The following UBE2U variants were observed in gnomAD, a reference collection of about 807,000 sequenced individuals.
The protein encoded by UBE2U is ubiquitin-conjugating enzyme E2 U.
Under a neutral mutation model 41.2 loss-of-function variants are expected in UBE2U, and 39 were observed. That is an observed-to-expected ratio of 0.95 (90% CI 0.73 to 1.24). The LOEUF is 1.24. Among genes scored for constraint, UBE2U ranks in the 50% most tolerant of loss-of-function variants. The probability of loss-of-function intolerance (pLI) is 0.00; values close to 1 mark genes in which losing one functional copy is unlikely to be tolerated. For synonymous variants in UBE2U, 107 were observed against 117.8 expected, an observed-to-expected ratio of 0.91 and a Z score of 0.60; for missense variants, 336 against 363.1, an observed-to-expected ratio of 0.93 and a Z score of 0.61.
At chr1:64,223,145 C>T (rs1019814328) in intron 6 of UBE2U, among the ~76,000 whole-genome samples, 1 of 152,198 alleles carries the variant, frequency 6.6e-6, no homozygotes, top group Non-Finnish European at 1.5e-5. Context: ...GTATACCAGG[C>T]ATTGTGCCCC....
intron 8 of UBE2U, chr1:64,244,408 A>G (rs1644887437): frequency 6.9e-6 from 3 of 434,092 alleles, no homozygotes; most frequent in Non-Finnish European, 9.2e-6. Context: ...TAGGCATTCA[A>G]TAAATTTTAG....
intron 5 of UBE2U, among the ~76,000 whole-genome samples, chr1:64,218,338 G>C (rs1652175657): frequency 6.6e-6 from 1 of 152,010 alleles, no homozygotes. Flanking sequence ...CTTTTTTCCT[G>C]TTTGTATTTC....
chr1:64,216,176 A>G (rs887476185), intron 5 of UBE2U, among the ~76,000 whole-genome samples: 6 of 152,150 alleles, frequency 3.9e-5, no homozygotes, highest in African/African-American at 1.4e-4. Context: ...GTGTTGATCA[A>G]GCATCTTTTC....
At chr1:64,245,802 C>A (rs1310710828) in intron 8 of UBE2U, among the ~76,000 whole-genome samples, 1 of 152,024 alleles carries the variant, frequency 6.6e-6, no homozygotes, top group Admixed American at 6.6e-5. Context: ...AATGGATAAC[C>A]GCTCCTAAGA....
At chr1:64,240,110 A>C (rs1365309238) in intron 7 of UBE2U, among the ~76,000 whole-genome samples, 2 of 152,212 alleles carry the variant, frequency 1.3e-5, no homozygotes, top group Admixed American at 1.3e-4. Flanking sequence ...CCACAAACTT[A>C]AGAGCCAGTG....
intron 9 of UBE2U, among the ~76,000 whole-genome samples, chr1:64,265,949 A>G (rs1162608762): frequency 6.6e-6 from 1 of 152,244 alleles, no homozygotes; most frequent in Non-Finnish European, 1.5e-5. Flanking sequence ...CTATAACATT[A>G]GAAGACAGCA....
At chr1:64,232,459 C>T in intron 6 of UBE2U, 102 bp from the exon 7 acceptor site, 1 of 717,312 alleles carries the variant, frequency 1.4e-6, no homozygotes, top group Non-Finnish European at 2.2e-6. Flanking sequence ...AGTTTAATAT[C>T]TTGTGACAAG....
At chr1:64,239,159 AGAAGAAGAAGAAG>A (rs1557731087) in intron 7 of UBE2U, among the ~76,000 whole-genome samples, 1 of 54,738 alleles carries the variant, frequency 1.8e-5, no homozygotes, top group East Asian at 7.1e-4. Context: ...AGAAGAAGAA[AGAAGAAGAAGAAG>A]AAGAAGAAGA....
intron 2 of UBE2U, 48 bp downstream of exon 2, chr1:64,205,768 AT>A (rs1479017841): frequency 6.9e-7 from 1 of 1,459,438 alleles, no homozygotes; most frequent in South Asian, 1.2e-5. Context: ...TCTTTATACC[AT>A]TATTAGCCCA....
intron 6 of UBE2U, among the ~76,000 whole-genome samples, chr1:64,228,473 CAGA>C (rs1463304134): frequency 6.6e-6 from 1 of 152,054 alleles, no homozygotes; most frequent in Non-Finnish European, 1.5e-5. Context: ...ACAGCTTTCA[CAGA>C]AGGAGGAGTG....
intron 7 of UBE2U, among the ~76,000 whole-genome samples, chr1:64,239,130 A>AAGG (rs1557730284): frequency 1.7e-4 from 4 of 23,178 alleles, no homozygotes; most frequent in African/African-American, 8.3e-4. Flanking sequence ...GAAGAAGAAG[A>AAGG]AGAAGAAGAA....
chr1:64,256,266 C>T (rs956718391), intron 8 of UBE2U, among the ~76,000 whole-genome samples: 105 of 152,196 alleles, frequency 6.9e-4, no homozygotes, highest in African/African-American at 2.4e-3. Context: ...TTAGAAGAAA[C>T]TATTTTAAAA....
chr1:64,266,549 G>A (rs1419769775), intron 9 of UBE2U, among the ~76,000 whole-genome samples: 4 of 152,128 alleles, frequency 2.6e-5, no homozygotes, highest in Admixed American at 6.6e-5. Context: ...GTGGAAGCGC[G>A]GGAGAATCCA....
chr1:64,228,943 C>T (rs1347885991), intron 6 of UBE2U, among the ~76,000 whole-genome samples: 1 of 150,866 alleles, frequency 6.6e-6, no homozygotes, highest in East Asian at 2.0e-4. Flanking sequence ...TCACGGCAAC[C>T]TCTGACTCCC....
chr1:64,215,768 C>A (rs1651963074), intron 5 of UBE2U, among the ~76,000 whole-genome samples: 1 of 152,176 alleles, frequency 6.6e-6, no homozygotes. Context: ...TGGTATCCTG[C>A]CAGCAGCCTC....
In UBE2U at chr1:64,203,978, A is replaced by G. The variant is rs1300747864; in HGVS notation, c.-73A>G. On this transcript the variant is annotated 5_prime_UTR_variant, in exon 1 of 10. Transcript: ENST00000371077. Reference sequence around the variant, plus strand: ...TTTACTAAGTGTGGGAAAGTGACCCATAACTTCAAACATCTGCCTCAGAGT... The same window carrying G: ...TTTACTAAGTGTGGGAAAGTGACCCGTAACTTCAAACATCTGCCTCAGAGT... The G allele has an allele frequency of 3.5e-6, 5 of 1,432,612 alleles. No individual in the cohort carries two copies. Among genetic ancestry groups the G allele is most frequent in the Non-Finnish European group, 3.9e-6 (4 of 1,029,530 alleles). The allele number at this position is 1,432,612 out of a possible 1,614,324, so 88.7% of individuals were successfully genotyped here.
At chr1:64,255,278 C>T (rs1645072218) in intron 8 of UBE2U, among the ~76,000 whole-genome samples, 1 of 151,770 alleles carries the variant, frequency 6.6e-6, no homozygotes, top group Non-Finnish European at 1.5e-5. Flanking sequence ...GCAATAATAG[C>T]CTACCAACCA....
chr1:64,217,601 T>C (rs1430532339), intron 5 of UBE2U, among the ~76,000 whole-genome samples: 3 of 152,152 alleles, frequency 2.0e-5, no homozygotes, highest in Non-Finnish European at 4.4e-5. Flanking sequence ...AAACCTTTGG[T>C]TGAAGAAAAA....
At chr1:64,233,248 C>A (rs1275456627) in intron 7 of UBE2U, among the ~76,000 whole-genome samples, 1 of 151,988 alleles carries the variant, frequency 6.6e-6, no homozygotes, top group Non-Finnish European at 1.5e-5. Flanking sequence ...ACCTCGTGAT[C>A]CGCCTGCCTC....
Sources: allele counts gnomAD v4.1 joint callset (sites outside exome capture counted in the v4.1 genomes callset), GRCh38; gene constraint gnomAD v4.1.1; transcripts MANE v1.5; gene names NCBI Gene and HGNC (gene_info 2026-07-23, HGNC 2026-07-21).